EML4: variants seen among roughly 807,000 people sequenced by gnomAD.
EML4 encodes the protein echinoderm microtubule-associated protein-like 4.
In EML4, 72 loss-of-function variants were observed where a neutral mutation model predicts 129.0. That is an observed-to-expected ratio of 0.56 (90% CI 0.46 to 0.68). EML4 has a LOEUF of 0.68. Among genes scored for constraint, EML4 ranks in the 30% least tolerant of loss-of-function variants. EML4 has a pLI of 0.00. For missense variants in EML4, 1,363 were observed against 1,190.6 expected, an observed-to-expected ratio of 1.14 and a Z score of -2.13; for synonymous variants, 532 against 405.0, an observed-to-expected ratio of 1.31 and a Z score of -3.77.
Position 42,325,602 on chromosome 2 carries a change from T to TAATA in EML4, c.2242+48_2242+49insAATA, listed in dbSNP as rs1558614750. 454 of 129,294 alleles carry TAATA rather than the reference T, an allele frequency of 3.5e-3. 19 individuals carry two copies. Among genetic ancestry groups the TAATA allele is most frequent in the Non-Finnish European group, 5.5e-3 (341 of 61,986 alleles). 8.0% of individuals were successfully genotyped at this position (129,294 alleles called of 1,614,324 possible). ...ATATATATATATGCTATGATTATAT[T>TAATA]TATATATATATATATATATATATAT... is the stretch of plus-strand genomic sequence containing the variant. On this transcript the variant is annotated intron_variant, in intron 20 of 22. Coordinates refer to ENST00000318522, the MANE Select transcript of EML4 (RefSeq NM_019063.5).
intron 1 of EML4, among the ~76,000 whole-genome samples, chr2:42,192,026 C>T (rs376978042): frequency 1.3e-5 from 2 of 151,592 alleles, no homozygotes; most frequent in African/African-American, 2.4e-5. Flanking sequence ...GTAATTCCAG[C>T]TACTCGGGAG....
chr2:42,224,167 A>G (rs1011746628), intron 1 of EML4, among the ~76,000 whole-genome samples: 1 of 152,150 alleles, frequency 6.6e-6, no homozygotes, highest in Admixed American at 6.5e-5. Flanking sequence ...TATTTTTACC[A>G]CAATAAGAAG....
At chr2:42,276,684 A>C (rs1384870327) in intron 6 of EML4, among the ~76,000 whole-genome samples, 4 of 152,246 alleles carry the variant, frequency 2.6e-5, no homozygotes, top group East Asian at 3.8e-4. Flanking sequence ...TTAATCACTT[A>C]TAATTCCAAA....
rs750200145 is a variant in EML4, at chr2:42,301,349, T to C, written c.1598T>C (p.Ile533Thr). 36 of 1,613,068 alleles carry C rather than the reference T, an allele frequency of 2.2e-5. No individual in the cohort carries two copies. The highest frequency in any genetic ancestry group is 3.1e-5 in the Non-Finnish European group (36 of 1,179,562). The change falls in exon 14 of 23, where the codon ATA becomes ACA. Residue 533 changes from isoleucine to threonine, a missense_variant. Transcript: ENST00000318522. ...LLTGGGKDRK[I>T]ILWDHDLNPE... ...ACTGGAGGAGGGAAAGACAGAAAAA[T>C]AATTCTGTGGGATCATGATCTGAAT...
chr2:42,261,547 C>T (rs1373158409), intron 4 of EML4: 2 of 310,374 alleles, frequency 6.4e-6, no homozygotes, highest in Non-Finnish European at 1.2e-5. Context: ...GAAAAGAAGG[C>T]AGGAATAACC....
intron 17 of EML4, 142 bp downstream of exon 17, chr2:42,304,693 C>T (rs973090471): frequency 8.9e-6 from 6 of 672,240 alleles, no homozygotes; most frequent in Non-Finnish European, 1.6e-5. Context: ...TTTGTATATT[C>T]ATAGAATTCA....
At chr2:42,286,862 C>T (rs543473865) in intron 10 of EML4, among the ~76,000 whole-genome samples, 3 of 152,164 alleles carry the variant, frequency 2.0e-5, no homozygotes, top group Non-Finnish European at 4.4e-5. Flanking sequence ...CCTGAATTAT[C>T]TTGGTTTTGA....
chr2:42,189,408 G>A (rs1671452546), intron 1 of EML4, among the ~76,000 whole-genome samples: 1 of 152,132 alleles, frequency 6.6e-6, no homozygotes. Context: ...GCAAGACCAT[G>A]TCTCTACTAG....
chr2:42,318,313 A>T (rs1288882866), intron 19 of EML4, among the ~76,000 whole-genome samples: 3 of 152,356 alleles, frequency 2.0e-5, no homozygotes, highest in African/African-American at 7.2e-5. Context: ...AGTTTTTAGA[A>T]GCATATACAT....
At chr2:42,208,733 T>C (rs549768817) in intron 1 of EML4, among the ~76,000 whole-genome samples, 1 of 151,642 alleles carries the variant, frequency 6.6e-6, no homozygotes, top group African/African-American at 2.4e-5. Context: ...GCACCTGGCC[T>C]GGAAGCCTAC....
At chr2:42,243,062 C>T (rs1037866124) in intron 1 of EML4, among the ~76,000 whole-genome samples, 4 of 152,070 alleles carry the variant, frequency 2.6e-5, no homozygotes, top group African/African-American at 9.7e-5. Flanking sequence ...ACAGTCGTGA[C>T]CTGCCTTGTC....
Position 42,282,976 on chromosome 2 carries a change from G to A in EML4, c.941+4G>A. 1 of 1,596,648 alleles carries A rather than the reference G, an allele frequency of 6.3e-7. No homozygotes were observed. Among genetic ancestry groups the A allele is most frequent in the Non-Finnish European group, 8.5e-7 (1 of 1,173,836 alleles). On this transcript the variant is annotated splice_donor_region_variant and intron_variant, in intron 8 of 22. Transcript: ENST00000318522. ...GCCATACAGACTGTGTGAAATGGTT[G>A]GTATCATTTAACATTGGTTCATTTT...
chr2:42,299,723 C>T (rs563320243), intron 13 of EML4, among the ~76,000 whole-genome samples: 1 of 152,210 alleles, frequency 6.6e-6, no homozygotes, highest in South Asian at 2.1e-4. Flanking sequence ...GAGTTTCACT[C>T]TTGTTGCCCA....
At chr2:42,327,017 C>T (rs1352737497) in intron 21 of EML4, among the ~76,000 whole-genome samples, 1 of 152,172 alleles carries the variant, frequency 6.6e-6, no homozygotes, top group African/African-American at 2.4e-5. Context: ...CTCTCTTATC[C>T]TCTACCCCAC....
At chr2:42,184,219 A>G (rs1671112534) in intron 1 of EML4, among the ~76,000 whole-genome samples, 1 of 151,778 alleles carries the variant, frequency 6.6e-6, no homozygotes, top group Non-Finnish European at 1.5e-5. Context: ...TCATTCTAAC[A>G]CACTGTTTTC....
intron 1 of EML4, among the ~76,000 whole-genome samples, chr2:42,238,866 C>T (rs768537344): frequency 6.6e-5 from 10 of 152,206 alleles, no homozygotes; most frequent in Admixed American, 5.9e-4. Flanking sequence ...TTACTGCAGC[C>T]GTGACCTCTT....
chr2:42,322,880 A>T (rs1387613560), intron 19 of EML4, among the ~76,000 whole-genome samples: 1 of 152,224 alleles, frequency 6.6e-6, no homozygotes, highest in Non-Finnish European at 1.5e-5. Context: ...AATTGATGCC[A>T]GGCAGAAAAT....
intron 5 of EML4, among the ~76,000 whole-genome samples, chr2:42,264,102 T>TG (rs1665907290): frequency 4.7e-5 from 5 of 106,672 alleles, no homozygotes; most frequent in Admixed American, 1.2e-4. Flanking sequence ...AAACAATACG[T>TG]GTTTTTTTTT....
At chr2:42,287,673 C>G (rs559952553) in intron 10 of EML4, among the ~76,000 whole-genome samples, 1 of 152,158 alleles carries the variant, frequency 6.6e-6, no homozygotes, top group African/African-American at 2.4e-5. Flanking sequence ...TTCAGAAAAA[C>G]AGGAAATTTC....
Sources: gnomAD v4.1 joint callset for allele counts (sites outside exome capture counted in the v4.1 genomes callset) on GRCh38, gnomAD v4.1.1 for gene constraint, MANE v1.5 for transcripts, NCBI Gene and HGNC (gene_info 2026-07-23, HGNC 2026-07-21) for gene names.